Variants in ZNF891 observed in about 807,000 individuals in gnomAD.
The protein encoded by ZNF891 is zinc finger protein 891.
For synonymous variants in ZNF891, 199 were observed against 209.0 expected (o/e 0.95, Z 0.41); for missense variants, 589 against 632.7 (o/e 0.93, Z 0.74).
chr12:133,108,874 G>A lies in ZNF891; in HGVS notation c.*11410C>T, dbSNP rs1349705179. On this transcript the variant is annotated 3_prime_UTR_variant, in exon 2 of 2. Transcript: ENST00000537226. ...ACCTATATCAGAGAATTACACTGTG[G>A]GAAAACTACCATTGTAATAAGTGTA... is the stretch of plus-strand genomic sequence containing the variant. 6.6e-6 allele frequency: 1 copy of A among 152,152 alleles called. No individual in the cohort carries two copies. The highest frequency in any genetic ancestry group is 2.4e-5 in the African/African-American group (1 of 41,440). 9.4% of individuals were successfully genotyped at this position (152,152 alleles called of 1,614,324 possible).
chr12:133,113,237 TTTAAAAAGTATTTA>T lies in ZNF891; in HGVS notation c.*7033_*7046del, dbSNP rs1221574281. On this transcript the variant is annotated 3_prime_UTR_variant, in exon 2 of 2. Coordinates refer to ENST00000537226, the MANE Select transcript of ZNF891 (RefSeq NM_001277291.2). ...AACTTTGAAGATATTAAAATCATGCTTTAAAAAGTATTTATTAAAAAGTTAATGATAGAATTATT... is the reference window on the plus strand; with the variant it reads ...AACTTTGAAGATATTAAAATCATGCTTTAAAAAGTTAATGATAGAATTATT... The T allele has an allele frequency of 2.0e-5, 3 of 151,780 alleles. No individual in the cohort carries two copies. Among genetic ancestry groups the T allele is most frequent in the African/African-American group, 7.2e-5 (3 of 41,388 alleles). 9.4% of individuals were successfully genotyped at this position (151,780 alleles called of 1,614,324 possible). A position where few individuals can be genotyped will look rare whatever the true frequency, so the allele number is the denominator to read the frequency against.
rs766722347 is a variant in ZNF891, at chr12:133,120,618, C to A, written c.1301G>T (p.Cys434Phe). 1.3e-6 allele frequency: 2 copies of A among 1,560,458 alleles called. No homozygotes were observed. The highest frequency in any genetic ancestry group is 1.4e-5 in the African/African-American group (1 of 73,308). Residue 434 changes from cysteine (C) to phenylalanine (F), a missense_variant, in exon 2 of 2, where the codon TGC becomes TTC. Transcript: ENST00000537226. Reference sequence around the variant, plus strand: ...GTTGAAGGCTTTTCCACACTCACTGCATTCATAGAGTTTTTCTCCAGTGTG... The same window carrying A: ...GTTGAAGGCTTTTCCACACTCACTGAATTCATAGAGTTTTTCTCCAGTGTG... ...RIHTGEKLYE[C>F]SECGKAFNTS...
Position 133,121,337 on chromosome 12 carries a change from T to C in ZNF891, c.582A>G (p.Leu194=), listed in dbSNP as rs1305159933. 3.9e-6 allele frequency: 6 copies of C among 1,536,010 alleles called. No individual in the cohort carries two copies. The South Asian group carries it at 5.9e-5, about 15-fold the overall frequency. Residue 194 remains leucine (L), a synonymous_variant, in exon 2 of 2, where the codon TTA becomes TTG. Transcript: ENST00000537226. Reference sequence around the variant, plus strand: ...TTGATCCAAGTTTAGAGTTTTCCTCTAATTCATGATAGTCACGGAATAGCT... The same window carrying C: ...TTGATCCAAGTTTAGAGTTTTCCTCCAATTCATGATAGTCACGGAATAGCT... ...PQELFRDYHE[L]EENSKLGSKL...
rs1308544778 is a variant in ZNF891 at position 133,104,825 on chromosome 12, T to C, written c.*15459A>G. On this transcript the variant is annotated 3_prime_UTR_variant, in exon 2 of 2. Transcript: ENST00000537226. Reference sequence around the variant, plus strand: ...TTTTCTGTCCAACTTTCATTTTAGGTTAAAGGTTACTCATGTTACATGAGC... The same window carrying C: ...TTTTCTGTCCAACTTTCATTTTAGGCTAAAGGTTACTCATGTTACATGAGC... Among the ~76,000 whole-genome samples, 4 of 152,138 alleles carry C rather than the reference T, an allele frequency of 2.6e-5. No individual in the cohort carries two copies. Among genetic ancestry groups the C allele is most frequent in the African/African-American group, 4.8e-5 (2 of 41,432 alleles).
chr12:133,122,523 G>C (rs915380787), intron 1 of ZNF891, among the ~76,000 whole-genome samples: 1 of 152,136 alleles, frequency 6.6e-6, no homozygotes. Flanking sequence ...GTGTATATGT[G>C]ACTTTGAAAC....
chr12:133,128,677 C>T (rs1250374243), intron 1 of ZNF891, among the ~76,000 whole-genome samples: 2 of 151,514 alleles, frequency 1.3e-5, no homozygotes, highest in Non-Finnish European at 2.9e-5. Flanking sequence ...CTGGATTAGC[C>T]GGGCGTGGTG....
In ZNF891 at chr12:133,106,487, C is replaced by G. The variant is rs754521286; in HGVS notation, c.*13797G>C. 1.9e-6 allele frequency: 3 copies of G among 1,614,068 alleles called. No homozygotes were observed. The highest frequency in any genetic ancestry group is 2.2e-5 in the South Asian group (2 of 91,068). On this transcript the variant is annotated 3_prime_UTR_variant, in exon 2 of 2. Transcript: ENST00000537226. Reference sequence around the variant, plus strand: ...CCGGAGCTTTTCCCTCATTCTACATCAGAGAACTCATACTGGAGAGAAACC... The same window carrying G: ...CCGGAGCTTTTCCCTCATTCTACATGAGAGAACTCATACTGGAGAGAAACC...
rs1319109747 is a variant in ZNF891 at position 133,116,618 on chromosome 12, A to C, written c.*3666T>G. ...TTGTTTTCACTGGTCATAGCCCCTG[A>C]TCTGGTCTTTTTTCCTCTATCAATA... On this transcript the variant is annotated 3_prime_UTR_variant, in exon 2 of 2. Coordinates refer to ENST00000537226, the MANE Select transcript of ZNF891 (RefSeq NM_001277291.2). 1 of 152,180 alleles carries C rather than the reference A, an allele frequency of 6.6e-6. No homozygotes were observed. Among genetic ancestry groups the C allele is most frequent in the Non-Finnish European group, 1.5e-5 (1 of 68,078 alleles). The allele number at this position is 152,180 out of a possible 1,614,324, so 9.4% of individuals were successfully genotyped here. A position where few individuals can be genotyped will look rare whatever the true frequency, so the allele number is the denominator to read the frequency against.
In ZNF891 at chr12:133,121,639, G is replaced by T; in HGVS notation, c.280C>A (p.Pro94Thr). Residue 94 changes from proline to threonine, a missense_variant, in exon 2 of 2, where the codon CCA becomes ACA. Coordinates refer to ENST00000537226, the MANE Select transcript of ZNF891 (RefSeq NM_001277291.2). Reference sequence around the variant, plus strand: ...TTCCTTATCTCTTCTTGATCCAATGGGGAGATCACAGTAAGCCTGTACAAC... The same window carrying T: ...TTCCTTATCTCTTCTTGATCCAATGTGGAGATCACAGTAAGCCTGTACAAC... ...YQLYRLTVISPLDQEEIRNMK... is the reference protein window; with the variant it reads ...YQLYRLTVISTLDQEEIRNMK... 6.5e-7 allele frequency: 1 copy of T among 1,536,380 alleles called. No homozygotes were observed.
In ZNF891 at chr12:133,120,711, G is replaced by A. The variant is rs1226409254; in HGVS notation, c.1208C>T (p.Pro403Leu). 5 of 1,565,656 alleles carry A rather than the reference G, an allele frequency of 3.2e-6. No individual in the cohort carries two copies. The highest frequency in any genetic ancestry group is 3.5e-6 in the Non-Finnish European group (4 of 1,156,054). ...TTTTCCACACTGATTACATTCATAA[G>A]GTTTCTCTCCAGTGTGAGTTCTCAT... The part of the protein sequence containing the change: ...AHMRTHTGEK[P>L]YECNQCGKSF... Residue 403 changes from proline to leucine, a missense_variant, in exon 2 of 2, where the codon CCT becomes CTT. By Grantham distance (98) the Pro-to-Leu change is moderately conservative. Coordinates refer to ENST00000537226, the MANE Select transcript of ZNF891 (RefSeq NM_001277291.2).
At position 133,106,258 on chromosome 12, in the gene ZNF891, C is replaced by A. The variant is rs1292381914; in HGVS notation, c.*14026G>T. 1.9e-6 allele frequency: 3 copies of A among 1,614,028 alleles called. No individual in the cohort carries two copies. Among genetic ancestry groups the A allele is most frequent in the Non-Finnish European group, 2.5e-6 (3 of 1,180,026 alleles). On this transcript the variant is annotated 3_prime_UTR_variant, in exon 2 of 2. Transcript: ENST00000537226. ...ATCAGAGCATCCATACAACCAAAAC[C>A]CCGTATGAATGTAATGAATGTAGGA...
rs1309391600 is a variant in ZNF891 at position 133,120,975 on chromosome 12, T to TGAG, written c.941_943dup (p.Thr314_His315insPro). On this transcript the variant is annotated inframe_insertion, in exon 2 of 2. Coordinates refer to ENST00000537226, the MANE Select transcript of ZNF891 (RefSeq NM_001277291.2). ...ATTGCATTCATGTTTCTTTTCAGTA[T>TGAG]GAGTTTGTCCTTGTTTCTTAAGGGA... 6.5e-7 allele frequency: 1 copy of TGAG among 1,535,510 alleles called. No homozygotes were observed. The highest frequency in any genetic ancestry group is 1.4e-5 in the African/African-American group (1 of 73,066).
intron 1 of ZNF891, among the ~76,000 whole-genome samples, chr12:133,127,332 T>C (rs1263920658): frequency 1.3e-5 from 2 of 152,162 alleles, no homozygotes; most frequent in African/African-American, 4.8e-5. Context: ...GTAATTTCTT[T>C]AAATAATTAG....
intron 1 of ZNF891, among the ~76,000 whole-genome samples, chr12:133,129,285 T>C (rs976493483): frequency 1.3e-5 from 2 of 152,090 alleles, no homozygotes; most frequent in Non-Finnish European, 2.9e-5. Flanking sequence ...GCTGATCACC[T>C]GAGGTCGGGA....
chr12:133,120,480 CTTA>C lies in ZNF891; in HGVS notation c.1436_1438del (p.Ile479del), dbSNP rs764484020. ...ATAGGGTTTCTCTCCAGTGTGAGTT[CTTA>C]TATGCATTCTAAGGGATGAGACCCC... On this transcript the variant is annotated inframe_deletion, in exon 2 of 2. Coordinates refer to ENST00000537226, the MANE Select transcript of ZNF891 (RefSeq NM_001277291.2). 37 of 1,601,554 alleles carry C rather than the reference CTTA, an allele frequency of 2.3e-5. No individual in the cohort carries two copies. Among genetic ancestry groups the C allele is most frequent in the Non-Finnish European group, 3.1e-5 (36 of 1,174,538 alleles).
At chr12:133,128,789 C>G (rs1955844184) in intron 1 of ZNF891, among the ~76,000 whole-genome samples, 1 of 132,276 alleles carries the variant, frequency 7.6e-6, no homozygotes, top group Non-Finnish European at 1.7e-5. Context: ...GAAACTCTGT[C>G]TCGAAAAAAA....
intron 1 of ZNF891, among the ~76,000 whole-genome samples, chr12:133,126,473 C>CAA (rs869209894): frequency 1.0e-3 from 59 of 58,092 alleles, no homozygotes; most frequent in Admixed American, 2.4e-3. Context: ...GACTCCGTCT[C>CAA]AAAAAAAAAA....
chr12:133,108,236 T>C lies in ZNF891; in HGVS notation c.*12048A>G, dbSNP rs1955652870. 1.3e-5 allele frequency: 2 copies of C among 148,236 alleles called. No homozygotes were observed. Among genetic ancestry groups the C allele is most frequent in the African/African-American group, 5.3e-5 (2 of 37,886 alleles). The allele number at this position is 148,236 out of a possible 1,614,324, so 9.2% of individuals were successfully genotyped here. ...AGCAGCATGCCTTATTACATATGGG[T>C]ATTTAATATCTGATTTGGTGTCCTC... is the stretch of plus-strand genomic sequence containing the variant. On this transcript the variant is annotated 3_prime_UTR_variant, in exon 2 of 2. Coordinates refer to ENST00000537226, the MANE Select transcript of ZNF891 (RefSeq NM_001277291.2).
rs772004901 is a variant in ZNF891 at position 133,113,260 on chromosome 12, TTAA to T, written c.*7021_*7023del. 7.9e-5 allele frequency: 12 copies of T among 151,820 alleles called. No individual in the cohort carries two copies. The highest frequency in any genetic ancestry group is 1.6e-4 in the Non-Finnish European group (11 of 67,938). The allele number at this position is 151,820 out of a possible 1,614,324, so 9.4% of individuals were successfully genotyped here. On this transcript the variant is annotated 3_prime_UTR_variant, in exon 2 of 2. Transcript: ENST00000537226. The stretch of plus-strand genomic sequence containing the variant: ...GCTTTAAAAAGTATTTATTAAAAAG[TTAA>T]TGATAGAATTATTTTTAAGAAATAG...
Sources: gnomAD v4.1 joint callset for allele counts (sites outside exome capture counted in the v4.1 genomes callset) on GRCh38, gnomAD v4.1.1 for gene constraint, MANE v1.5 for transcripts, NCBI Gene and HGNC (gene_info 2026-07-23, HGNC 2026-07-21) for gene names.